Variants in LDHA observed in about 807,000 individuals in gnomAD.
LDHA encodes the protein lactate dehydrogenase A.
Under a neutral mutation model 36.3 loss-of-function variants are expected in LDHA, and 10 were observed. The observed-to-expected ratio is 0.28, with a 90% confidence interval of 0.17 to 0.47. The LOEUF (loss-of-function observed/expected upper bound fraction) is 0.47. LDHA is among the 20% of genes least tolerant of loss of function. The pLI is 0.99. For synonymous variants in LDHA, 110 were observed against 136.7 expected, an observed-to-expected ratio of 0.80 and a Z score of 1.36; for missense variants, 267 against 405.8, an observed-to-expected ratio of 0.66 and a Z score of 2.94.
At chr11:18,402,410 C>T (rs1866540471) in intron 4 of LDHA, 1 of 187,728 alleles carries the variant, frequency 5.3e-6, no homozygotes, top group Non-Finnish European at 1.1e-5. Context: ...CCTTCTTCCT[C>T]AGCCTCTTAA....
intron 7 of LDHA, among the ~76,000 whole-genome samples, 197 bp from the exon 8 acceptor site, chr11:18,406,920 T>G (rs1385290052): frequency 7.0e-6 from 1 of 142,652 alleles, no homozygotes; most frequent in South Asian, 2.2e-4. Flanking sequence ...GCAGGAGAAT[T>G]ACTTGAACCC....
At chr11:18,398,170 C>T (rs567932160) in intron 2 of LDHA, among the ~76,000 whole-genome samples, 17 of 152,280 alleles carry the variant, frequency 1.1e-4, no homozygotes, top group Non-Finnish European at 1.5e-4. Context: ...CTTTTGGTAA[C>T]GATAGACCAC....
rs1590216677 is a variant in LDHA at position 18,405,492 on chromosome 11, ATTGGACTCTCTGTAGCAGAT to A, written c.759_778del (p.Leu254ArgfsTer8). ...ACTCAAAGGCTACACATCCTGGGCT[ATTGGACTCTCTGTAGCAGAT>A]TTGGCAGAGAGTATAATGAAGAATC... On this transcript the variant is annotated frameshift_variant, in exon 7 of 8. Coordinates refer to ENST00000422447, the MANE Select transcript of LDHA (RefSeq NM_005566.4). LOFTEE classifies it high-confidence loss of function. The A allele has an allele frequency of 6.2e-7, 1 of 1,613,774 alleles. No individual in the cohort carries two copies. The highest frequency in any genetic ancestry group is 2.2e-5 in the East Asian group (1 of 44,864).
At chr11:18,398,246 C>T (rs551115681) in intron 2 of LDHA, among the ~76,000 whole-genome samples, 8 of 152,098 alleles carry the variant, frequency 5.3e-5, no homozygotes, top group Non-Finnish European at 7.4e-5. Flanking sequence ...CTTTGAGTTG[C>T]AACTATAAGG....
At position 18,408,322 on chromosome 11, in the gene LDHA, C is replaced by A; in HGVS notation, c.*1041C>A. The A allele has an allele frequency of 2.6e-6, 1 of 384,628 alleles. No homozygotes were observed. The highest frequency in any genetic ancestry group is 8.9e-4 in the Middle Eastern group (1 of 1,120). 23.8% of individuals were successfully genotyped at this position (384,628 alleles called of 1,614,324 possible). On this transcript the variant is annotated 3_prime_UTR_variant, in exon 8 of 8. Coordinates refer to ENST00000422447, the MANE Select transcript of LDHA (RefSeq NM_005566.4). ...CAGCCTGGCCAACACAACAAAACCC[C>A]ATCTGTTAAAAAAACAAAACAAAAC...
At position 18,400,840 on chromosome 11, in the gene LDHA, A is replaced by C. The variant is rs1426332295; in HGVS notation, c.248A>C (p.Tyr83Ser). The change falls in exon 4 of 8, where the codon TAT becomes TCT. Residue 83 changes from tyrosine (Y) to serine (S), a missense_variant. Coordinates refer to ENST00000422447, the MANE Select transcript of LDHA (RefSeq NM_005566.4). The part of the protein sequence containing the change: ...RTPKIVSGKD[Y>S]NVTANSKLVI... ...TCATTATTCCCCTTTTCTCTAGACTATAATGTAACTGCAAACTCCAAGCTG... is the reference window on the plus strand; with the variant it reads ...TCATTATTCCCCTTTTCTCTAGACTCTAATGTAACTGCAAACTCCAAGCTG... 6.2e-7 allele frequency: 1 copy of C among 1,613,054 alleles called. No homozygotes were observed. Among genetic ancestry groups the C allele is most frequent in the Admixed American group, 1.7e-5 (1 of 59,990 alleles).
intron 1 of LDHA, chr11:18,396,529 T>A (rs781676694): frequency 7.5e-7 from 1 of 1,327,614 alleles, no homozygotes; most frequent in Admixed American, 3.6e-5. Flanking sequence ...CCAGCCCCAC[T>A]TGGGGTTAAT....
At chr11:18,399,628 G>A (rs980560188) in intron 3 of LDHA, 80 bp downstream of exon 3, 14 of 1,051,736 alleles carry the variant, frequency 1.3e-5, no homozygotes, top group Non-Finnish European at 1.9e-5. Flanking sequence ...GTTGCTTAGG[G>A]TAGAGTGCAG....
At chr11:18,396,390 G>C in intron 1 of LDHA, 1 of 404,130 alleles carries the variant, frequency 2.5e-6, no homozygotes, top group Non-Finnish European at 4.3e-6. Context: ...AGGCTCCTGT[G>C]CCTTGGGCTT....
At chr11:18,400,592 T>C (rs1866450607) in intron 3 of LDHA, 1 of 552,952 alleles carries the variant, frequency 1.8e-6, no homozygotes, top group Non-Finnish European at 3.3e-6. Context: ...TGTAAGAAAT[T>C]AATAGGAGAA....
rs951513955 is a variant in LDHA, at chr11:18,394,647, G to T, written c.-25+11G>T. On this transcript the variant is annotated intron_variant, in intron 1 of 7. Coordinates refer to ENST00000422447, the MANE Select transcript of LDHA (RefSeq NM_005566.4). The stretch of plus-strand genomic sequence containing the variant: ...CGACGTGCATTCCCGGTACGGTAGG[G>T]CCCTGCGCGCACGGCGCCAGAGGGA... 1 of 453,878 alleles carries T rather than the reference G, an allele frequency of 2.2e-6. No homozygotes were observed. Among genetic ancestry groups the T allele is most frequent in the Non-Finnish European group, 4.4e-6 (1 of 226,736 alleles). The allele number at this position is 453,878 out of a possible 1,614,324, so 28.1% of individuals were successfully genotyped here.
chr11:18,405,301 T>C, intron 6 of LDHA, 148 bp from the exon 7 acceptor site: 1 of 786,346 alleles, frequency 1.3e-6, no homozygotes. Flanking sequence ...CATAATATCC[T>C]AGCATACATG....
Position 18,408,153 on chromosome 11 carries a change from AAC to A in LDHA, c.*876_*877del, listed in dbSNP as rs1322604240. On this transcript the variant is annotated 3_prime_UTR_variant, in exon 8 of 8. Transcript: ENST00000422447. ...GCAATGATAGTGTGTCACTATAGGG[AAC>A]ACAGATTTTTGAGATCTTGTCCTCT... The A allele has an allele frequency of 2.2e-6, 1 of 454,028 alleles. No individual in the cohort carries two copies. The highest frequency in any genetic ancestry group is 4.4e-6 in the Non-Finnish European group (1 of 226,798). The allele number at this position is 454,028 out of a possible 1,614,324, so 28.1% of individuals were successfully genotyped here. A position where few individuals can be genotyped will look rare whatever the true frequency, so the allele number is the denominator to read the frequency against.
intron 2 of LDHA, chr11:18,399,113 CAG>C: frequency 5.8e-6 from 2 of 346,154 alleles, no homozygotes; most frequent in Non-Finnish European, 1.1e-5. Context: ...AGAGAGTAGA[CAG>C]AGCAGTTTTA....
chr11:18,399,419 G>T lies in LDHA; in HGVS notation c.127-12G>T, dbSNP rs2134021486. On this transcript the variant is annotated splice_polypyrimidine_tract_variant and intron_variant, in intron 2 of 7. Coordinates refer to ENST00000422447, the MANE Select transcript of LDHA (RefSeq NM_005566.4). ...CAATTTTCCATTTAACTAAAGATTTGATGTCTTTTAGGACTTGGCAGATGA... is the reference window on the plus strand; with the variant it reads ...CAATTTTCCATTTAACTAAAGATTTTATGTCTTTTAGGACTTGGCAGATGA... 9 of 1,572,822 alleles carry T rather than the reference G, an allele frequency of 5.7e-6. No homozygotes were observed. The highest frequency in any genetic ancestry group is 6.1e-6 in the Non-Finnish European group (7 of 1,143,270).
chr11:18,399,434 T>C lies in LDHA; in HGVS notation c.130T>C (p.Leu44=), dbSNP rs1224644997. Reference sequence around the variant, plus strand: ...CTAAAGATTTGATGTCTTTTAGGACTTGGCAGATGAACTTGCTCTTGTTGA... The same window carrying C: ...CTAAAGATTTGATGTCTTTTAGGACCTGGCAGATGAACTTGCTCTTGTTGA... ...ACAISILMKD[L]ADELALVDVI... is the part of the protein sequence containing the mutation. Residue 44 remains leucine, a synonymous_variant, in exon 3 of 8, where the codon TTG becomes CTG. Coordinates refer to ENST00000422447, the MANE Select transcript of LDHA (RefSeq NM_005566.4). 8 of 1,606,096 alleles carry C rather than the reference T, an allele frequency of 5.0e-6. No homozygotes were observed. The highest frequency in any genetic ancestry group is 6.8e-6 in the Non-Finnish European group (8 of 1,173,182).
rs755745849 is a variant in LDHA, at chr11:18,405,491, T to C, written c.753T>C (p.Ala251=). The stretch of plus-strand genomic sequence containing the variant: ...AACTCAAAGGCTACACATCCTGGGC[T>C]ATTGGACTCTCTGTAGCAGATTTGG... The part of the protein sequence containing the change: ...VIKLKGYTSW[A]IGLSVADLAE... The change falls in exon 7 of 8, where the codon GCT becomes GCC. Residue 251 remains alanine, a synonymous_variant. Coordinates refer to ENST00000422447, the MANE Select transcript of LDHA (RefSeq NM_005566.4). The C allele has an allele frequency of 1.9e-6, 3 of 1,613,666 alleles. No individual in the cohort carries two copies. The highest frequency in any genetic ancestry group is 2.7e-5 in the African/African-American group (2 of 74,930).
At chr11:18,400,674 T>G (rs912570939) in intron 3 of LDHA, 163 bp from the exon 4 acceptor site, 2 of 690,846 alleles carry the variant, frequency 2.9e-6, no homozygotes, top group Non-Finnish European at 5.3e-6. Context: ...TGACTAAAAC[T>G]ACAAGGAAGA....
intron 1 of LDHA, chr11:18,396,403 G>A (rs1246173044): frequency 7.3e-6 from 3 of 410,946 alleles, no homozygotes; most frequent in Non-Finnish European, 1.3e-5. Context: ...TTGGGCTTGA[G>A]CTTTGTGGCA....
Sources: allele counts gnomAD v4.1 joint callset (sites outside exome capture counted in the v4.1 genomes callset), GRCh38; gene constraint gnomAD v4.1.1; transcripts MANE v1.5; gene names NCBI Gene and HGNC (gene_info 2026-07-23, HGNC 2026-07-21).